EIF4E3: variants seen among roughly 807,000 people sequenced by gnomAD.
The protein encoded by EIF4E3 is eukaryotic translation initiation factor 4E type 3.
A neutral mutation model predicts 31.7 loss-of-function variants in EIF4E3; 26 were observed. The observed-to-expected ratio is 0.82, with a 90% CI of 0.60 to 1.14. The LOEUF is 1.14. Among genes scored for constraint, EIF4E3 ranks in the 50% most tolerant of loss-of-function variants. The pLI is 0.00. For synonymous variants in EIF4E3, 128 were observed against 107.7 expected, an observed-to-expected ratio of 1.19 and a Z score of -1.17; for missense variants, 304 against 270.9, an observed-to-expected ratio of 1.12 and a Z score of -0.86.
In EIF4E3 at chr3:71,710,453, C is replaced by T. The variant is rs201768696; in HGVS notation, c.208G>A (p.Ala70Thr). Residue 70 changes from alanine to threonine, a missense_variant, in exon 2 of 7, where the codon GCA (alanine) becomes ACA (threonine). Ala to Thr is a moderately conservative substitution (Grantham distance 58). Coordinates refer to ENST00000425534, the MANE Select transcript of EIF4E3 (RefSeq NM_001134651.2). Reference sequence around the variant, plus strand: ...GTGTAGATTTTCTTCAGATTTGATGCGCACTCAGCTGCTGTGGCACCAGGG... The same window carrying T: ...GTGTAGATTTTCTTCAGATTTGATGTGCACTCAGCTGCTGTGGCACCAGGG... ...SLPGATAAEC[A>T]SNLKKIYTVQ... The T allele has an allele frequency of 1.8e-5, 28 of 1,552,032 alleles. No homozygotes were observed. The highest frequency in any genetic ancestry group is 7.3e-5 in the East Asian group (3 of 40,896).
At chr3:71,754,339 T>G, upstream of EIF4E3, 1 of 1,288,054 alleles carries the variant, frequency 7.8e-7, no homozygotes, top group Non-Finnish European at 9.9e-7. The surrounding 1 kb of genome is among the most constrained non-coding windows in gnomAD (Gnocchi z 5.8). Flanking sequence ...GGCTGCAAGC[T>G]GCTCGCCTTC....
At chr3:71,673,610 G>A (rs2048857373), downstream of EIF4E3, among the ~76,000 whole-genome samples, 1 of 151,068 alleles carries the variant, frequency 6.6e-6, no homozygotes, top group African/African-American at 2.4e-5. Flanking sequence ...AACATGCATT[G>A]CATTCATACT....
chr3:71,754,622 C>T (rs925829288), upstream of EIF4E3: 2 of 1,462,494 alleles, frequency 1.4e-6, no homozygotes, highest in Non-Finnish European at 1.8e-6. This position sits in a 1 kb window ranked among gnomAD's most constrained non-coding sequence, Gnocchi z 5.8. Context: ...TGCTGCTGGC[C>T]GTGGTGGTGG....
At chr3:71,685,064 C>G (rs1426883804) in intron 6 of EIF4E3, among the ~76,000 whole-genome samples, 1 of 152,092 alleles carries the variant, frequency 6.6e-6, no homozygotes, top group Admixed American at 6.5e-5. Flanking sequence ...ATGTGCCCCA[C>G]AAAATGCATT....
intron 1 of EIF4E3, among the ~76,000 whole-genome samples, chr3:71,711,744 A>G (rs1357516499): frequency 6.6e-6 from 1 of 152,202 alleles, no homozygotes; most frequent in Non-Finnish European, 1.5e-5. Flanking sequence ...TGGGAGGCTG[A>G]GGCAGGTAAA....
chr3:71,736,840 A>C (rs756915469), intron 1 of EIF4E3, among the ~76,000 whole-genome samples: 8 of 152,198 alleles, frequency 5.3e-5, no homozygotes, highest in African/African-American at 9.7e-5. Flanking sequence ...AGGCTCCTTG[A>C]TTATAAAAAA....
At chr3:71,742,150 C>T (rs1218025862) in intron 1 of EIF4E3, among the ~76,000 whole-genome samples, 1 of 151,828 alleles carries the variant, frequency 6.6e-6, no homozygotes, top group Non-Finnish European at 1.5e-5. Flanking sequence ...TAATAAATAT[C>T]AGAGCAGAAA....
chr3:71,707,035 C>T (rs918724137), intron 2 of EIF4E3, among the ~76,000 whole-genome samples: 1 of 152,076 alleles, frequency 6.6e-6, no homozygotes, highest in Non-Finnish European at 1.5e-5. Flanking sequence ...AGTGGTGGTG[C>T]GATCCAGAGT....
upstream of EIF4E3, chr3:71,725,517 T>C: frequency 3.0e-5 from 9 of 302,708 alleles, no homozygotes; most frequent in Non-Finnish European, 3.7e-5. This position sits in a 1 kb window ranked among gnomAD's most constrained non-coding sequence, Gnocchi z 6.1. Flanking sequence ...GCCCGCCGCC[T>C]TCAGGGCCTG....
the EIF4E3 span, among the ~76,000 whole-genome samples, chr3:71,667,155 CAT>C: frequency 2.0e-5 from 3 of 152,172 alleles, no homozygotes; most frequent in African/African-American, 7.2e-5. Flanking sequence ...ACAAAAACCA[CAT>C]GATTATCTCA....
At chr3:71,697,175 C>A (rs2049151286) in intron 3 of EIF4E3, among the ~76,000 whole-genome samples, 1 of 152,132 alleles carries the variant, frequency 6.6e-6, no homozygotes, top group Non-Finnish European at 1.5e-5. Flanking sequence ...GCCATCACAC[C>A]TGGCTAATTT....
intron 1 of EIF4E3, among the ~76,000 whole-genome samples, chr3:71,740,660 G>A (rs1011592825): frequency 2.6e-5 from 4 of 152,162 alleles, no homozygotes; most frequent in African/African-American, 9.7e-5. Context: ...CTGAACCCAG[G>A]AGGCAGAGGT....
chr3:71,739,968 G>A (rs1449386176), intron 1 of EIF4E3, among the ~76,000 whole-genome samples: 1 of 151,980 alleles, frequency 6.6e-6, no homozygotes, highest in Non-Finnish European at 1.5e-5. Context: ...ATGAGAATAT[G>A]CCACTGTAAA....
upstream of EIF4E3, among the ~76,000 whole-genome samples, chr3:71,726,636 C>T (rs187163092): frequency 6.6e-6 from 1 of 152,306 alleles, no homozygotes; most frequent in African/African-American, 2.4e-5. Flanking sequence ...AGCTACAAAA[C>T]AAGATGAGTT....
At chr3:71,710,703 A>C (rs544679190) in intron 1 of EIF4E3, among the ~76,000 whole-genome samples, 1 of 152,124 alleles carries the variant, frequency 6.6e-6, no homozygotes, top group Non-Finnish European at 1.5e-5. Context: ...ATTCTTGGAA[A>C]CTTAACAGAA....
chr3:71,716,518 C>G (rs36119746), intron 1 of EIF4E3, among the ~76,000 whole-genome samples: 8,941 of 152,330 alleles, frequency 0.059, 356 homozygotes, highest in African/African-American at 0.11. Flanking sequence ...CAGGCATGAG[C>G]CACCGTGCCC....
chr3:71,733,799 T>C (rs1398785513), intron 1 of EIF4E3, among the ~76,000 whole-genome samples: 1 of 152,214 alleles, frequency 6.6e-6, no homozygotes, highest in Non-Finnish European at 1.5e-5. Flanking sequence ...ACACTAAAGT[T>C]TGAGAAGCCA....
At chr3:71,674,090 CTTTTTTTTTTTTTTTTTT>C (rs71277509), downstream of EIF4E3, among the ~76,000 whole-genome samples, 105 of 25,074 alleles carry the variant, frequency 4.2e-3, 1 homozygote, top group Non-Finnish European at 7.1e-3. Context: ...ATCAACTGTA[CTTTTTTTTTTTTTTTTTT>C]TTTTTTTTTT....
At position 71,684,458 on chromosome 3, in the gene EIF4E3, G is replaced by T. The variant is rs562915527; in HGVS notation, c.*224C>A. The T allele has an allele frequency of 2.8e-4, 98 of 350,534 alleles. No individual in the cohort carries two copies. Among genetic ancestry groups the T allele is most frequent in the East Asian group, 9.8e-4 (21 of 21,456 alleles). The allele number at this position is 350,534 out of a possible 1,614,324, so 21.7% of individuals were successfully genotyped here. A position where few individuals can be genotyped will look rare whatever the true frequency, so the allele number is the denominator to read the frequency against. On this transcript the variant is annotated 3_prime_UTR_variant, in exon 7 of 7. Coordinates refer to ENST00000425534, the MANE Select transcript of EIF4E3 (RefSeq NM_001134651.2). ...TAGAAAGCCAAAAAAAAAGTTTTTT[G>T]TGTGTGTTTTTTTTAAAAAGCAAGT...
Sources: gnomAD v4.1 joint callset for allele counts (sites outside exome capture counted in the v4.1 genomes callset) on GRCh38, gnomAD v4.1.1 for gene constraint, Gnocchi (gnomAD v3.1) non-coding constraint, MANE v1.5 for transcripts, NCBI Gene and HGNC (gene_info 2026-07-23, HGNC 2026-07-21) for gene names.